Variants in TCF20 observed in about 807,000 individuals in gnomAD.
TCF20 encodes the protein SPRE-binding protein.
In TCF20, 3 loss-of-function variants were observed where a neutral mutation model predicts 148.6. The observed-to-expected ratio is 0.02, with a 90% CI of 0.01 to 0.05. TCF20 has a LOEUF of 0.05. Among genes scored for constraint, TCF20 ranks in the 10% least tolerant of loss-of-function variants. The probability of loss-of-function intolerance (pLI) is 1.00; values close to 1 mark genes in which losing one functional copy is unlikely to be tolerated. For missense variants in TCF20, 2,350 were observed against 2,429.3 expected, an observed-to-expected ratio of 0.97 and a Z score of 0.69; for synonymous variants, 1,049 against 909.5, an observed-to-expected ratio of 1.15 and a Z score of -2.76.
At chr22:42,244,670 G>C (rs1371326963) in intron 1 of TCF20, among the ~76,000 whole-genome samples, 4 of 152,138 alleles carry the variant, frequency 2.6e-5, no homozygotes, top group Non-Finnish European at 4.4e-5. Flanking sequence ...TGGGTAGCAG[G>C]TTTACTTTGG....
intron 1 of TCF20, among the ~76,000 whole-genome samples, chr22:42,340,129 A>G (rs377037162): frequency 2.6e-5 from 4 of 152,102 alleles, no homozygotes; most frequent in South Asian, 2.1e-4. Flanking sequence ...GTTCTGCTTC[A>G]CTGGCCCCCT....
intron 1 of TCF20, among the ~76,000 whole-genome samples, chr22:42,230,037 A>G (rs931343539): frequency 6.6e-6 from 1 of 152,232 alleles, no homozygotes; most frequent in Admixed American, 6.5e-5. Context: ...ACTGAAAAAG[A>G]TCTGATTAAT....
chr22:42,174,897 T>C (rs967765809), intron 3 of TCF20, among the ~76,000 whole-genome samples: 4 of 151,920 alleles, frequency 2.6e-5, no homozygotes, highest in East Asian at 1.9e-4. Context: ...TAGCCGGGCG[T>C]GGCGGCGGGC....
intron 2 of TCF20, among the ~76,000 whole-genome samples, chr22:42,201,538 C>A (rs973135446): frequency 3.9e-5 from 6 of 152,162 alleles, no homozygotes; most frequent in Non-Finnish European, 8.8e-5. Context: ...GAGGCTGAGG[C>A]AGACGGATCA....
intron 1 of TCF20, among the ~76,000 whole-genome samples, chr22:42,324,113 T>A (rs1927817484): frequency 7.1e-6 from 1 of 140,532 alleles, no homozygotes; most frequent in African/African-American, 2.8e-5. Context: ...GTGGTGGTGG[T>A]GGTGGTGGTT....
At chr22:42,285,677 T>C (rs1927017997), upstream of TCF20, among the ~76,000 whole-genome samples, 2 of 152,162 alleles carry the variant, frequency 1.3e-5, no homozygotes, top group South Asian at 4.1e-4. The surrounding 1 kb of genome is among the most constrained non-coding windows in gnomAD (Gnocchi z 4.2). Context: ...CTCACTATGT[T>C]GCCTAAGCTG....
intron 5 of TCF20, among the ~76,000 whole-genome samples, chr22:42,164,970 T>C (rs1935693434): frequency 6.6e-6 from 1 of 152,134 alleles, no homozygotes; most frequent in Non-Finnish European, 1.5e-5. Context: ...GTGAGATGTC[T>C]GGGCTTTGTG....
At chr22:42,293,031 A>C (rs1927161616) in intron 1 of TCF20, among the ~76,000 whole-genome samples, 1 of 152,012 alleles carries the variant, frequency 6.6e-6, no homozygotes, top group Non-Finnish European at 1.5e-5. Flanking sequence ...AAGGCAGGGC[A>C]GGATACAAAG....
chr22:42,297,847 G>A lies in TCF20; in HGVS notation c.-37+45632C>T, dbSNP rs1927263511. 6.6e-6 allele frequency among the ~76,000 whole-genome samples: 1 copy of A among 152,160 alleles called. No individual in the cohort carries two copies. Among genetic ancestry groups the A allele is most frequent in the South Asian group, 2.1e-4 (1 of 4,826 alleles). On this transcript the variant is annotated intron_variant, in intron 1 of 1. Transcript: ENST00000515426. The surrounding 1 kb of genome is among the most constrained non-coding windows in gnomAD (Gnocchi z 4.3). ...ATGGTGAGGAGATGAGACCCAGGGT[G>A]GAAGGAACACATGGAGGGTTCACAG...
At chr22:42,302,173 AGGG>A (rs1927348860) in intron 1 of TCF20, among the ~76,000 whole-genome samples, 1 of 152,184 alleles carries the variant, frequency 6.6e-6, no homozygotes, top group African/African-American at 2.4e-5. Flanking sequence ...TGCTGCCTTA[AGGG>A]CACTATCGGG....
At chr22:42,167,549 T>C (rs1442263324) in intron 5 of TCF20, among the ~76,000 whole-genome samples, 1 of 152,152 alleles carries the variant, frequency 6.6e-6, no homozygotes, top group Non-Finnish European at 1.5e-5. Context: ...TACAACCTAT[T>C]TCCCTTCATG....
chr22:42,298,030 A>T (rs550495866), intron 1 of TCF20, among the ~76,000 whole-genome samples: 33 of 152,314 alleles, frequency 2.2e-4, no homozygotes, highest in Non-Finnish European at 4.0e-4. Context: ...AATAGACTCA[A>T]AGCAAACCCA....
intron 2 of TCF20, among the ~76,000 whole-genome samples, chr22:42,202,575 G>A (rs1938109431): frequency 6.6e-6 from 1 of 152,194 alleles, no homozygotes; most frequent in Non-Finnish European, 1.5e-5. Flanking sequence ...GACCTTCCGG[G>A]GCAAGTGTTT....
At chr22:42,335,913 G>A (rs1205342329) in intron 1 of TCF20, among the ~76,000 whole-genome samples, 1 of 152,174 alleles carries the variant, frequency 6.6e-6, no homozygotes, top group African/African-American at 2.4e-5. Context: ...GGCCACCTGT[G>A]GTGGGCAACC....
At chr22:42,205,756 GACA>G (rs1445171985) in intron 2 of TCF20, among the ~76,000 whole-genome samples, 1 of 152,158 alleles carries the variant, frequency 6.6e-6, no homozygotes, top group Non-Finnish European at 1.5e-5. Flanking sequence ...AGCTCAAAGA[GACA>G]ACAAGCCTAA....
intron 1 of TCF20, among the ~76,000 whole-genome samples, chr22:42,336,105 G>GATGTGAACTCCTCATTGCA (rs1928062935): frequency 6.6e-6 from 1 of 152,224 alleles, no homozygotes; most frequent in Non-Finnish European, 1.5e-5. Context: ...AGAGCAGGTT[G>GATGTGAACTCCTCATTGCA]GGTGAACTCC....
chr22:42,206,616 G>A (rs1248077216), intron 2 of TCF20, among the ~76,000 whole-genome samples: 1 of 152,110 alleles, frequency 6.6e-6, no homozygotes, highest in Non-Finnish European at 1.5e-5. Context: ...CTTCTTAGGG[G>A]AAGTGAATCT....
chr22:42,298,128 C>A (rs190874020), intron 1 of TCF20, among the ~76,000 whole-genome samples: 2 of 152,324 alleles, frequency 1.3e-5, no homozygotes, highest in East Asian at 3.9e-4. Flanking sequence ...CTGATCAGGG[C>A]ACAAATCCCA....
At chr22:42,244,587 A>C (rs1462999040) in intron 1 of TCF20, among the ~76,000 whole-genome samples, 1 of 152,214 alleles carries the variant, frequency 6.6e-6, no homozygotes, top group Non-Finnish European at 1.5e-5. Flanking sequence ...CAAAAGAAGT[A>C]AATCTAAAAA....
Sources: allele counts gnomAD v4.1 joint callset (sites outside exome capture counted in the v4.1 genomes callset), GRCh38; gene constraint gnomAD v4.1.1; non-coding constraint Gnocchi (gnomAD v3.1); transcripts MANE v1.5; gene names NCBI Gene and HGNC (gene_info 2026-07-23, HGNC 2026-07-21).